Variants in NTM observed in about 807,000 individuals in gnomAD.
The protein encoded by NTM is neurotrimin.
Under a neutral mutation model 42.1 loss-of-function variants are expected in NTM, and 13 were observed. The ratio of observed to expected loss-of-function variants is 0.31; its 90% CI spans 0.20 to 0.49. The LOEUF (loss-of-function observed/expected upper bound fraction) is 0.49. Ranked by LOEUF, NTM falls within the 20% of genes least tolerant of loss-of-function variation. The probability of loss-of-function intolerance (pLI) is 0.99; values close to 1 mark genes in which losing one functional copy is unlikely to be tolerated. For missense variants in NTM, 373 were observed against 452.8 expected (o/e 0.82, Z 1.60); for synonymous variants, 187 against 179.2 (o/e 1.04, Z -0.35).
At chr11:132,215,878 G>A (rs1443541956) in intron 4 of NTM, among the ~76,000 whole-genome samples, 2 of 152,188 alleles carry the variant, frequency 1.3e-5, no homozygotes, top group East Asian at 1.9e-4. Flanking sequence ...CCTCTCACTA[G>A]CAGGAGCCAT....
At chr11:132,293,449 C>G (rs931664157) in intron 4 of NTM, among the ~76,000 whole-genome samples, 2 of 151,960 alleles carry the variant, frequency 1.3e-5, no homozygotes, top group Non-Finnish European at 2.9e-5. Context: ...TGTCAGGGAG[C>G]GTTGATGATG....
chr11:131,646,414 T>C (rs1031375748), intron 1 of NTM, among the ~76,000 whole-genome samples: 1 of 152,238 alleles, frequency 6.6e-6, no homozygotes, highest in Non-Finnish European at 1.5e-5. Context: ...TCCAGCTTTC[T>C]TCCCCAGGCC....
chr11:132,101,092 C>T (rs529021371), intron 2 of NTM, among the ~76,000 whole-genome samples: 128 of 152,296 alleles, frequency 8.4e-4, no homozygotes, highest in Non-Finnish European at 1.1e-3. Flanking sequence ...TGACTGACAG[C>T]TTTTTATCAC....
intron 1 of NTM, among the ~76,000 whole-genome samples, chr11:131,880,165 C>T (rs916539640): frequency 1.3e-5 from 2 of 152,182 alleles, no homozygotes; most frequent in Non-Finnish European, 1.5e-5. Context: ...GCAGATAAGT[C>T]ATAAAACTCT....
intron 2 of NTM, among the ~76,000 whole-genome samples, chr11:132,033,206 C>A (rs547185578): frequency 3.9e-5 from 6 of 152,104 alleles, no homozygotes; most frequent in African/African-American, 1.4e-4. Flanking sequence ...ACAACTCCTC[C>A]GAAAGAGAAA....
At chr11:131,616,036 C>T (rs762635604) in intron 1 of NTM, among the ~76,000 whole-genome samples, 5 of 152,214 alleles carry the variant, frequency 3.3e-5, no homozygotes, top group Non-Finnish European at 7.3e-5. Context: ...CTTGCGTGGC[C>T]CTCAAGAGAA....
Position 131,551,414 on chromosome 11 carries a change from G to T in NTM, c.82+180526G>T, listed in dbSNP as rs76499949. Among the ~76,000 whole-genome samples the T allele has an allele frequency of 1.2e-3, 181 of 147,426 alleles. 4 individuals carry two copies. The East Asian group carries it at 0.03, about 25-fold the overall frequency. Reference sequence around the variant, plus strand: ...ATCTAGTGTGGAAACACTGGGAGAGGTTCCTCCAAAAAAAAAAAAAACGCA... The same window carrying T: ...ATCTAGTGTGGAAACACTGGGAGAGTTTCCTCCAAAAAAAAAAAAAACGCA... On this transcript the variant is annotated intron_variant, in intron 1 of 8. Coordinates refer to ENST00000683400, the MANE Select transcript of NTM (RefSeq NM_001352005.2).
intron 2 of NTM, among the ~76,000 whole-genome samples, chr11:131,944,635 C>T (rs2060157588): frequency 6.6e-6 from 1 of 152,208 alleles, no homozygotes; most frequent in Admixed American, 6.5e-5. Context: ...TGCACTTCAT[C>T]TCCTCCTGTT....
chr11:132,104,710 A>G (rs2062075935), intron 2 of NTM, among the ~76,000 whole-genome samples: 1 of 151,040 alleles, frequency 6.6e-6, no homozygotes, highest in East Asian at 1.9e-4. Flanking sequence ...GGCCTGGGCA[A>G]CATAGTGGGA....
At chr11:131,633,678 CCTCTCT>C (rs148248122) in intron 1 of NTM, among the ~76,000 whole-genome samples, 1,039 of 46,916 alleles carry the variant, frequency 0.022, 35 homozygotes, top group African/African-American at 0.081. Context: ...TCTCTCCCTC[CCTCTCT>C]CTCTCTCTCC....
chr11:131,874,150 C>T (rs1375313260), intron 1 of NTM, among the ~76,000 whole-genome samples: 4 of 147,650 alleles, frequency 2.7e-5, no homozygotes, highest in Admixed American at 1.4e-4. Context: ...CTTGGTCTCA[C>T]CTGGGCTCCC....
chr11:131,661,983 G>C (rs1213394542), intron 1 of NTM: 2 of 152,164 alleles, frequency 1.3e-5, no homozygotes, highest in Non-Finnish European at 2.9e-5. Flanking sequence ...AGAATGAAGT[G>C]GGGGCTGGGT....
At chr11:131,844,884 A>G (rs1159140966) in intron 1 of NTM, among the ~76,000 whole-genome samples, 2 of 152,168 alleles carry the variant, frequency 1.3e-5, no homozygotes, top group African/African-American at 4.8e-5. Flanking sequence ...TTTCCTACAT[A>G]GATAATCATA....
At chr11:131,778,108 T>C (rs538023402) in intron 1 of NTM, among the ~76,000 whole-genome samples, 1 of 152,314 alleles carries the variant, frequency 6.6e-6, no homozygotes, top group East Asian at 1.9e-4. Context: ...ATACATAGGA[T>C]GAAAAGGTAA....
intron 2 of NTM, among the ~76,000 whole-genome samples, chr11:132,004,624 T>A (rs1466646008): frequency 6.1e-5 from 9 of 146,356 alleles, no homozygotes; most frequent in African/African-American, 2.5e-4. Flanking sequence ...TCTCTCTCTC[T>A]CTCTCTCTCT....
At chr11:131,987,100 T>G (rs2066186687) in intron 2 of NTM, among the ~76,000 whole-genome samples, 1 of 152,206 alleles carries the variant, frequency 6.6e-6, no homozygotes, top group African/African-American at 2.4e-5. Context: ...AAACAGGTGG[T>G]AAATGTCCCA....
At chr11:131,977,635 C>T (rs1264605295) in intron 2 of NTM, among the ~76,000 whole-genome samples, 1 of 152,266 alleles carries the variant, frequency 6.6e-6, no homozygotes, top group East Asian at 1.9e-4. Flanking sequence ...TGGTTAAAGG[C>T]TTACGTAAAT....
At chr11:131,795,423 A>G (rs748728265) in intron 1 of NTM, 11 of 985,394 alleles carry the variant, frequency 1.1e-5, no homozygotes, top group African/African-American at 1.7e-5. Context: ...GTCCTTAAAT[A>G]CACTATTGGT....
intron 4 of NTM, among the ~76,000 whole-genome samples, chr11:132,240,092 TCCAC>T (rs2089939317): frequency 6.6e-6 from 1 of 151,856 alleles, no homozygotes. Flanking sequence ...CATCCATCCA[TCCAC>T]AAACATTTGC....
Sources: gnomAD v4.1 joint callset for allele counts (sites outside exome capture counted in the v4.1 genomes callset) on GRCh38, gnomAD v4.1.1 for gene constraint, MANE v1.5 for transcripts, NCBI Gene and HGNC (gene_info 2026-07-23, HGNC 2026-07-21) for gene names.